Variants in SH3PXD2A observed in about 807,000 individuals in gnomAD.
The protein encoded by SH3PXD2A is SH3 and PX domain-containing protein 2A.
In SH3PXD2A, 32 loss-of-function variants were observed where a neutral mutation model predicts 115.2. That is an observed-to-expected ratio of 0.28 (90% confidence interval 0.21 to 0.37). SH3PXD2A has a LOEUF of 0.37. Ranked by LOEUF, SH3PXD2A falls within the 10% of genes least tolerant of loss-of-function variation. The probability of loss-of-function intolerance (pLI) is 1.00; values close to 1 mark genes in which losing one functional copy is unlikely to be tolerated. For synonymous variants in SH3PXD2A, 610 were observed against 629.1 expected (o/e 0.97, Z 0.45); for missense variants, 1,328 against 1,498.7 (o/e 0.89, Z 1.88).
At chr10:103,645,637 G>A (rs1674421419) in intron 8 of SH3PXD2A, among the ~76,000 whole-genome samples, 1 of 152,120 alleles carries the variant, frequency 6.6e-6, no homozygotes, top group South Asian at 2.1e-4. Context: ...GGAACGGGCC[G>A]ACATTCCTGG....
At chr10:103,628,153 G>A (rs866496235) in intron 8 of SH3PXD2A, among the ~76,000 whole-genome samples, 1 of 152,220 alleles carries the variant, frequency 6.6e-6, no homozygotes, top group Admixed American at 6.5e-5. Context: ...AGGTAGAGAA[G>A]GCTCTGTGAT....
In SH3PXD2A at chr10:103,678,251, G is replaced by A. The variant is rs962913740; in HGVS notation, c.428-9599C>T. On this transcript the variant is annotated intron_variant, in intron 6 of 14. Transcript: ENST00000369774. ...TTACCCCATCCCTCCCCTCCTCTGCGTGGGTCCAGACCAATCCCCTGAGCG... is the reference window on the plus strand; with the variant it reads ...TTACCCCATCCCTCCCCTCCTCTGCATGGGTCCAGACCAATCCCCTGAGCG... 1.7e-5 allele frequency: 14 copies of A among 837,740 alleles called. No homozygotes were observed. The African/African-American group carries it at 1.8e-4, about 10-fold the overall frequency. The allele number at this position is 837,740 out of a possible 1,614,324, so 51.9% of individuals were successfully genotyped here.
At chr10:103,734,414 C>T (rs1344574700) in intron 4 of SH3PXD2A, among the ~76,000 whole-genome samples, 1 of 151,986 alleles carries the variant, frequency 6.6e-6, no homozygotes, top group Non-Finnish European at 1.5e-5. Flanking sequence ...AAAGCCTTTT[C>T]ACCAGTCTGG....
At chr10:103,671,398 T>C (rs1371017668) in intron 6 of SH3PXD2A, among the ~76,000 whole-genome samples, 1 of 152,212 alleles carries the variant, frequency 6.6e-6, no homozygotes, top group Non-Finnish European at 1.5e-5. Flanking sequence ...CTCATGCCTG[T>C]CCCCTTCAGT....
At chr10:103,705,071 T>C (rs1469267454) in intron 5 of SH3PXD2A, among the ~76,000 whole-genome samples, 1 of 152,210 alleles carries the variant, frequency 6.6e-6, no homozygotes, top group South Asian at 2.1e-4. Context: ...TGCCTTCCTG[T>C]CAACCCTGAA....
Position 103,704,380 on chromosome 10 carries a change from T to C in SH3PXD2A, c.399-11324A>G, listed in dbSNP as rs190798704. ...TACAGAGATGAAGAAACCCAGGCTC[T>C]GCAGGGTAAAGCCACTTTGCTGAGA... On this transcript the variant is annotated intron_variant, in intron 5 of 14. Coordinates refer to ENST00000369774, the MANE Select transcript of SH3PXD2A (RefSeq NM_001394015.1). Among the ~76,000 whole-genome samples, 132 of 152,282 alleles carry C rather than the reference T, an allele frequency of 8.7e-4. 1 individual carries two copies. The South Asian group carries it at 0.016, about 18-fold the overall frequency.
chr10:103,613,189 A>G lies in SH3PXD2A; in HGVS notation c.922T>C (p.Tyr308His). The G allele has an allele frequency of 1.3e-6, 2 of 1,590,836 alleles. No individual in the cohort carries two copies. Among genetic ancestry groups the G allele is most frequent in the Non-Finnish European group, 1.7e-6 (2 of 1,170,218 alleles). Residue 308 changes from tyrosine to histidine, a missense_variant and splice_region_variant, in exon 12 of 15, where the codon TAC (tyrosine) becomes CAC (histidine). Tyr to His is a moderately conservative substitution (Grantham distance 83). This residue lies in a region of SH3PXD2A where 509 missense variants were observed against 628.3 expected (regional missense o/e 0.81). Coordinates refer to ENST00000369774, the MANE Select transcript of SH3PXD2A (RefSeq NM_001394015.1). ...KNLEGWWYIR[Y>H]LGKEGWAPAS... ...GGCGCCCAGCCCTCTTTGCCCAGGTATCTGTGGGGAGGAGCAGGATGTGCT... is the reference window on the plus strand; with the variant it reads ...GGCGCCCAGCCCTCTTTGCCCAGGTGTCTGTGGGGAGGAGCAGGATGTGCT...
intron 5 of SH3PXD2A, among the ~76,000 whole-genome samples, chr10:103,706,004 G>GAAAAAAAA (rs58668048): frequency 1.0e-5 from 1 of 96,430 alleles, no homozygotes; most frequent in Non-Finnish European, 2.3e-5. Context: ...GTCTCAAAAA[G>GAAAAAAAA]AAAAAAAAAA....
chr10:103,601,748 T>G lies in SH3PXD2A; in HGVS notation c.*68A>C. ...CCCCATTTTTTCCTTTCCCTTTTGTTCGTCTCACCGCTCATCCAGTGGGCG... is the reference window on the plus strand; with the variant it reads ...CCCCATTTTTTCCTTTCCCTTTTGTGCGTCTCACCGCTCATCCAGTGGGCG... On this transcript the variant is annotated 3_prime_UTR_variant, in exon 15 of 15. Transcript: ENST00000369774. 2.4e-6 allele frequency: 1 copy of G among 415,548 alleles called. No homozygotes were observed. Among genetic ancestry groups the G allele is most frequent in the Non-Finnish European group, 3.5e-6 (1 of 282,616 alleles). 25.7% of individuals were successfully genotyped at this position (415,548 alleles called of 1,614,324 possible). A position where few individuals can be genotyped will look rare whatever the true frequency, so the allele number is the denominator to read the frequency against.
rs144219824 is a variant in SH3PXD2A, at chr10:103,735,173, T to C, written c.306+559A>G. Among the ~76,000 whole-genome samples, 313 of 152,378 alleles carry C rather than the reference T, an allele frequency of 2.1e-3. 2 individuals are homozygous for C. Among genetic ancestry groups the C allele is most frequent in the African/African-American group, 7.2e-3 (300 of 41,588 alleles). On this transcript the variant is annotated intron_variant, in intron 4 of 14. Coordinates refer to ENST00000369774, the MANE Select transcript of SH3PXD2A (RefSeq NM_001394015.1). ...AGACAGACAGGTGGGCTCTGGCTCA[T>C]GACACTGCTGTCCTTCTCCTGCCTG...
chr10:103,782,170 A>G (rs1456572966), intron 2 of SH3PXD2A, among the ~76,000 whole-genome samples: 1 of 152,188 alleles, frequency 6.6e-6, no homozygotes, highest in Non-Finnish European at 1.5e-5. Context: ...GGGACTTCAA[A>G]CATATCCTCC....
chr10:103,623,951 G>C (rs1288413080), intron 9 of SH3PXD2A, among the ~76,000 whole-genome samples: 1 of 151,820 alleles, frequency 6.6e-6, no homozygotes. Context: ...TTTACTCTGT[G>C]TGCGAGGCCC....
rs548664362 is a variant in SH3PXD2A, at chr10:103,800,883, G to A, written c.153+399C>T. ...GAAAAAATTGCTTATTTTCTGTTTC[G>A]GTCTTCCCTGAGTGTTTGCTTTTCT... On this transcript the variant is annotated intron_variant, in intron 2 of 14. Coordinates refer to ENST00000369774, the MANE Select transcript of SH3PXD2A (RefSeq NM_001394015.1). Among the ~76,000 whole-genome samples the A allele has an allele frequency of 2.0e-5, 3 of 152,222 alleles. No homozygotes were observed. In the South Asian group the frequency reaches 6.2e-4, roughly 32 times the overall value.
At chr10:103,762,012 G>GTTTTTT (rs1554920581) in intron 3 of SH3PXD2A, among the ~76,000 whole-genome samples, 8 of 95,376 alleles carry the variant, frequency 8.4e-5, no homozygotes, top group African/African-American at 2.8e-4. Flanking sequence ...CAATCAACAC[G>GTTTTTT]TCTTTTTTTT....
chr10:103,703,086 C>A (rs1360257624), intron 5 of SH3PXD2A, among the ~76,000 whole-genome samples: 1 of 152,210 alleles, frequency 6.6e-6, no homozygotes, highest in Non-Finnish European at 1.5e-5. Flanking sequence ...CCAAGGAGCT[C>A]CCTATTTCCC....
At position 103,599,427 on chromosome 10, in the gene SH3PXD2A, G is replaced by A. The variant is rs2036184802; in HGVS notation, c.*2389C>T. ...TGGCCTGGCTGGCGCACTAGTGACT[G>A]AACTGGCTCAGTGCAGACATCTGAG... On this transcript the variant is annotated 3_prime_UTR_variant, in exon 15 of 15. Transcript: ENST00000369774. 3.9e-5 allele frequency: 6 copies of A among 152,660 alleles called. No individual in the cohort carries two copies. The highest frequency in any genetic ancestry group is 3.9e-4 in the Admixed American group (6 of 15,282). The allele number at this position is 152,660 out of a possible 1,614,324, so 9.5% of individuals were successfully genotyped here.
chr10:103,733,700 C>G (rs2038349369), intron 4 of SH3PXD2A, among the ~76,000 whole-genome samples: 1 of 152,202 alleles, frequency 6.6e-6, no homozygotes, highest in African/African-American at 2.4e-5. Context: ...ATTGTCTTTT[C>G]TTCCTATAGG....
intron 5 of SH3PXD2A, among the ~76,000 whole-genome samples, chr10:103,704,324 G>T (rs11191775): frequency 2.6e-5 from 4 of 151,992 alleles, no homozygotes; most frequent in East Asian, 1.9e-4. Flanking sequence ...CTGGCCTCAG[G>T]GGGAGGGGGG....
At chr10:103,608,430 G>GAAAAAAAAA (rs953168200) in intron 13 of SH3PXD2A, among the ~76,000 whole-genome samples, 46 of 85,254 alleles carry the variant, frequency 5.4e-4, no homozygotes, top group East Asian at 1.9e-3. Flanking sequence ...TCCATGTCAA[G>GAAAAAAAAA]AAAAAAAAAA....
Sources: gnomAD v4.1 joint callset for allele counts (sites outside exome capture counted in the v4.1 genomes callset) on GRCh38, gnomAD v4.1.1 for gene constraint, gnomAD v4.1.1 regional missense constraint, MANE v1.5 for transcripts, NCBI Gene and HGNC (gene_info 2026-07-23, HGNC 2026-07-21) for gene names.